The following MLXIPL variants were observed in gnomAD, a reference collection of about 807,000 sequenced individuals.
MLXIPL encodes carbohydrate-responsive element-binding protein.
A neutral mutation model predicts 81.5 loss-of-function variants in MLXIPL; 49 were observed. The observed-to-expected ratio is 0.60, with a 90% CI of 0.48 to 0.76. The LOEUF (loss-of-function observed/expected upper bound fraction) is 0.76. Ranked by LOEUF, MLXIPL falls within the 30% of genes least tolerant of loss-of-function variation. MLXIPL has a pLI of 0.00. For missense variants in MLXIPL, 1,053 were observed against 1,167.0 expected (o/e 0.90, Z 1.42); for synonymous variants, 466 against 485.5 (o/e 0.96, Z 0.53).
intron 7 of MLXIPL, among the ~76,000 whole-genome samples, chr7:73,603,415 C>T (rs1423296855): frequency 2.6e-5 from 4 of 152,090 alleles, no homozygotes; most frequent in African/African-American, 9.7e-5. Flanking sequence ...GCGCTGTGTG[C>T]CCAGACAGGG....
At chr7:73,606,703 G>C in intron 5 of MLXIPL, 1 of 466,302 alleles carries the variant, frequency 2.1e-6, no homozygotes, top group Non-Finnish European at 4.0e-6. Flanking sequence ...TGGGATGACA[G>C]GCGTGAGCCA....
At position 73,597,550 on chromosome 7, in the gene MLXIPL, G is replaced by A. The variant is rs200798784; in HGVS notation, c.1235C>T (p.Pro412Leu). ...AKVPGLEPCP[P>L]PPFPPMAPPT... Reference sequence around the variant, plus strand: ...TGGTGCCATGGGAGGGAAGGGAGGTGGGGGGCAGGGCTCCAGGCCTGGCAC... The same window carrying A: ...TGGTGCCATGGGAGGGAAGGGAGGTAGGGGGCAGGGCTCCAGGCCTGGCAC... The change falls in exon 9 of 17, where the codon CCA (proline) becomes CTA (leucine). Residue 412 changes from proline (P) to leucine (L), a missense_variant. Pro to Leu is a moderately conservative substitution (Grantham distance 98). Around this residue, in one of 3 missense-constraint regions of MLXIPL, gnomAD observed 823 missense variants for 933.0 expected, o/e 0.88. Transcript: ENST00000313375. 2.6e-5 allele frequency: 35 copies of A among 1,366,334 alleles called. No homozygotes were observed. In the East Asian group the frequency reaches 8.0e-4, roughly 31 times the overall value. The allele number at this position is 1,366,334 out of a possible 1,614,324, so 84.6% of individuals were successfully genotyped here. A position where few individuals can be genotyped will look rare whatever the true frequency, so the allele number is the denominator to read the frequency against.
chr7:73,633,457 C>A, the MLXIPL span, among the ~76,000 whole-genome samples: 3 of 151,608 alleles, frequency 2.0e-5, no homozygotes, highest in Non-Finnish European at 4.4e-5. Flanking sequence ...GCAGTCCTCC[C>A]GCCATGGTGT....
chr7:73,632,743 T>TTTCCTTCCTTCCTTCCTTCCTTCC, the MLXIPL span, among the ~76,000 whole-genome samples: 12 of 133,942 alleles, frequency 9.0e-5, no homozygotes, highest in East Asian at 4.5e-4. Context: ...TCCTTCCTTC[T>TTTCCTTCCTTCCTTCCTTCCTTCC]TTCCTTCCTT....
In MLXIPL at chr7:73,599,591, G is replaced by C. The variant is rs1554595396; in HGVS notation, c.1006C>G (p.Leu336Val). 1 of 1,612,850 alleles carries C rather than the reference G, an allele frequency of 6.2e-7. No individual in the cohort carries two copies. Among genetic ancestry groups the C allele is most frequent in the Non-Finnish European group, 8.5e-7 (1 of 1,179,366 alleles). ...VVDSLFSSGT[L>V]GPEVPPASSA... ...GAAGCCGGGGGCACCTCTGGGCCCA[G>C]GGTCCCACTGCTGAAGAGGGAGTCA... The change falls in exon 8 of 17, where the codon CTG becomes GTG. Residue 336 changes from leucine (L) to valine (V), a missense_variant. Coordinates refer to ENST00000313375, the MANE Select transcript of MLXIPL (RefSeq NM_032951.3).
chr7:73,624,603 G>A (rs1366882107), upstream of MLXIPL: 17 of 1,388,564 alleles, frequency 1.2e-5, no homozygotes, highest in Non-Finnish European at 1.6e-5. Flanking sequence ...AGGCCGATCG[G>A]GTGGGCGGGG....
At chr7:73,595,540 C>T in intron 15 of MLXIPL, 97 bp downstream of exon 15, 2 of 1,609,916 alleles carry the variant, frequency 1.2e-6, no homozygotes, top group Non-Finnish European at 1.7e-6. Flanking sequence ...TCTGAGCCTG[C>T]CCGGCCTGGA....
chr7:73,634,230 C>T, the MLXIPL span, among the ~76,000 whole-genome samples: 2 of 152,066 alleles, frequency 1.3e-5, no homozygotes, highest in African/African-American at 4.8e-5. Context: ...CCCAATTGTT[C>T]TACCAAAAAT....
At chr7:73,616,208 A>G (rs1304428117) in intron 1 of MLXIPL, 31 bp from the exon 2 acceptor site, 72 of 1,547,654 alleles carry the variant, frequency 4.7e-5, no homozygotes, top group Non-Finnish European at 6.3e-5. Flanking sequence ...AGGGTTAGGG[A>G]GATGCAGTGC....
intron 7 of MLXIPL, among the ~76,000 whole-genome samples, chr7:73,601,499 C>G (rs1394102840): frequency 6.6e-6 from 1 of 151,940 alleles, no homozygotes; most frequent in African/African-American, 2.4e-5. Flanking sequence ...AAGGAGGTGC[C>G]CAGAGAGAAT....
the MLXIPL span, among the ~76,000 whole-genome samples, chr7:73,642,355 T>C: frequency 6.6e-6 from 1 of 151,900 alleles, no homozygotes; most frequent in African/African-American, 2.4e-5. Flanking sequence ...TTTATTTATT[T>C]ATTTATTTTT....
chr7:73,602,248 G>A (rs184396432), intron 7 of MLXIPL, among the ~76,000 whole-genome samples: 400 of 133,052 alleles, frequency 3.0e-3, no homozygotes, highest in African/African-American at 0.011. Flanking sequence ...ATGGAGTCTC[G>A]CTCTGTAGCC....
chr7:73,599,761 G>A, intron 7 of MLXIPL, 66 bp from the exon 8 acceptor site: 1 of 1,510,754 alleles, frequency 6.6e-7, no homozygotes, highest in East Asian at 2.3e-5. Flanking sequence ...ACAGCTGAGA[G>A]GAGAGTGGCC....
At chr7:73,607,141 C>A in intron 4 of MLXIPL, 123 bp from the exon 5 acceptor site, 1 of 1,392,854 alleles carries the variant, frequency 7.2e-7, no homozygotes, top group South Asian at 1.2e-5. Flanking sequence ...CTCACCCGAC[C>A]CCTAGGTAAG....
intron 1 of MLXIPL, 21 bp from the exon 2 acceptor site, chr7:73,616,198 A>G: frequency 1.3e-6 from 2 of 1,580,224 alleles, no homozygotes; most frequent in Middle Eastern, 1.7e-4. Context: ...GGAGAGGAGT[A>G]GGGTTAGGGA....
At chr7:73,595,270 G>C (rs999953917) in intron 15 of MLXIPL, among the ~76,000 whole-genome samples, 8 of 152,038 alleles carry the variant, frequency 5.3e-5, no homozygotes, top group Non-Finnish European at 1.2e-4. Flanking sequence ...TCCCTGCCTG[G>C]GCTCAGTCAA....
At chr7:73,602,899 T>A (rs1366248458) in intron 7 of MLXIPL, among the ~76,000 whole-genome samples, 1 of 152,174 alleles carries the variant, frequency 6.6e-6, no homozygotes, top group African/African-American at 2.4e-5. Flanking sequence ...CGCAAGGCCC[T>A]CTCATCCCTG....
intron 2 of MLXIPL, among the ~76,000 whole-genome samples, chr7:73,608,149 A>G (rs1584118138): frequency 6.6e-6 from 1 of 150,686 alleles, no homozygotes; most frequent in Admixed American, 6.6e-5. Flanking sequence ...GAGCCACCTC[A>G]CCCAGCCTGA....
intron 16 of MLXIPL, 110 bp downstream of exon 16, chr7:73,594,164 A>G: frequency 6.4e-7 from 1 of 1,555,932 alleles, no homozygotes; most frequent in African/African-American, 1.4e-5. Flanking sequence ...GGTGGCCACA[A>G]CCCTAGGCTG....
Sources: gnomAD v4.1 joint callset for allele counts (sites outside exome capture counted in the v4.1 genomes callset) on GRCh38, gnomAD v4.1.1 for gene constraint, gnomAD v4.1.1 regional missense constraint, MANE v1.5 for transcripts, NCBI Gene and HGNC (gene_info 2026-07-23, HGNC 2026-07-21) for gene names.